CAMK2B: variants seen among roughly 807,000 people sequenced by gnomAD.
CAMK2B encodes the protein calcium/calmodulin-dependent protein kinase type II subunit beta.
In CAMK2B, 27 loss-of-function variants were observed where a neutral mutation model predicts 93.7. That is an observed-to-expected ratio of 0.29 (90% CI 0.21 to 0.40). The LOEUF is 0.40. Among genes scored for constraint, CAMK2B ranks in the 10% least tolerant of loss-of-function variants. CAMK2B has a pLI of 1.00. For missense variants in CAMK2B, 568 were observed against 895.8 expected (o/e 0.63, Z 4.67); for synonymous variants, 374 against 358.8 (o/e 1.04, Z -0.48).
intron 6 of CAMK2B, 71 bp from the exon 7 acceptor site, chr7:44,243,598 G>T: frequency 7.9e-7 from 1 of 1,270,016 alleles, no homozygotes; most frequent in South Asian, 1.2e-5. Flanking sequence ...GTTGGGTGGG[G>T]GGTTACAAAA....
At chr7:44,305,607 C>A (rs1326316822) in intron 1 of CAMK2B, among the ~76,000 whole-genome samples, 1 of 152,242 alleles carries the variant, frequency 6.6e-6, no homozygotes, top group Admixed American at 6.5e-5. Flanking sequence ...ATGGACGGGG[C>A]ACCCCTGTGA....
In CAMK2B at chr7:44,244,008, G is replaced by A. The variant is rs553440381; in HGVS notation, c.415-481C>T. ...TGTTTCTCACTCCTCAGAGACCTGG[G>A]ATGTTGGGGGCTGCTTGAGGGGAAG... On this transcript the variant is annotated intron_variant, in intron 6 of 23. Transcript: ENST00000395749. Among the ~76,000 whole-genome samples the A allele has an allele frequency of 1.7e-3, 254 of 152,248 alleles. 2 individuals are homozygous for A. Among genetic ancestry groups the A allele is most frequent in the African/African-American group, 5.9e-3 (246 of 41,534 alleles).
At chr7:44,285,146 G>C (rs1387837623) in intron 1 of CAMK2B, among the ~76,000 whole-genome samples, 3 of 152,232 alleles carry the variant, frequency 2.0e-5, no homozygotes, top group Non-Finnish European at 4.4e-5. Context: ...AGTCTATGAG[G>C]CAGGAGGGGA....
intron 1 of CAMK2B, among the ~76,000 whole-genome samples, chr7:44,310,069 C>T (rs1276959867): frequency 4.6e-5 from 7 of 152,256 alleles, no homozygotes; most frequent in African/African-American, 1.7e-4. Context: ...GTGGCCGAGA[C>T]CGGGCGGGGG....
intron 19 of CAMK2B, 114 bp downstream of exon 19, chr7:44,228,681 CG>C: frequency 9.8e-7 from 1 of 1,018,900 alleles, no homozygotes; most frequent in Non-Finnish European, 1.3e-6. Context: ...CTCCAGGCTG[CG>C]GCGCCGGGGC....
Position 44,220,603 on chromosome 7 carries a change from C to T in CAMK2B, c.1768+13G>A. 2 of 1,609,260 alleles carry T rather than the reference C, an allele frequency of 1.2e-6. No individual in the cohort carries two copies. The highest frequency in any genetic ancestry group is 1.7e-6 in the Non-Finnish European group (2 of 1,176,980). ...CACCGCCCCCTCATGCCCACCCGGG[C>T]TTCCTCACTCACGGTTCTCGAAGTA... is the stretch of plus-strand genomic sequence containing the variant. On this transcript the variant is annotated intron_variant, in intron 22 of 23. Coordinates refer to ENST00000395749, the MANE Select transcript of CAMK2B (RefSeq NM_001220.5).
At chr7:44,274,673 G>A (rs2097014734) in intron 2 of CAMK2B, among the ~76,000 whole-genome samples, 1 of 152,266 alleles carries the variant, frequency 6.6e-6, no homozygotes, top group Non-Finnish European at 1.5e-5. Context: ...GAGGTACTAT[G>A]TGCAAAGCAG....
rs531173972 is a variant in CAMK2B, at chr7:44,224,235, C to G, written c.1597+2281G>C. ...GGAAGCCTAGGCTGCCCCTGCCCTG[C>G]GGAATGGCGCTGCCCAGACCCCAGC... On this transcript the variant is annotated intron_variant, in intron 20 of 23. Transcript: ENST00000395749. This position sits in a 1 kb window ranked among gnomAD's most constrained non-coding sequence, Gnocchi z 4.4. Among the ~76,000 whole-genome samples the G allele has an allele frequency of 6.6e-6, 1 of 152,174 alleles. No individual in the cohort carries two copies. The highest frequency in any genetic ancestry group is 1.5e-5 in the Non-Finnish European group (1 of 68,026).
At chr7:44,277,139 T>A (rs757240299) in intron 2 of CAMK2B, among the ~76,000 whole-genome samples, 1 of 151,802 alleles carries the variant, frequency 6.6e-6, no homozygotes, top group Non-Finnish European at 1.5e-5. Context: ...CCGTTCATTG[T>A]GGACAATGAG....
chr7:44,270,756 C>G (rs2129056408), intron 2 of CAMK2B, among the ~76,000 whole-genome samples: 1 of 152,358 alleles, frequency 6.6e-6, no homozygotes, highest in Middle Eastern at 3.4e-3. Flanking sequence ...CCCATCCCCA[C>G]AGAGCTGGGC....
intron 2 of CAMK2B, chr7:44,263,966 C>G (rs959013965): frequency 6.5e-6 from 1 of 154,696 alleles, no homozygotes; most frequent in Non-Finnish European, 1.5e-5. Context: ...ACACAAAGGT[C>G]GAAACTAGGC....
rs990792498 is a variant in CAMK2B at position 44,248,952 on chromosome 7, G to A, written c.342-1760C>T. Among the ~76,000 whole-genome samples, 1 of 152,026 alleles carries A rather than the reference G, an allele frequency of 6.6e-6. No individual in the cohort carries two copies. The highest frequency in any genetic ancestry group is 6.6e-5 in the Admixed American group (1 of 15,266). ...ATCTCCTTGCTCCATATGCCCTGGG[G>A]TGTCCTGCCTTCCCTCCTCCCCATG... On this transcript the variant is annotated intron_variant, in intron 5 of 23. Transcript: ENST00000395749. The surrounding 1 kb of genome is among the most constrained non-coding windows in gnomAD (Gnocchi z 4.1).
intron 1 of CAMK2B, among the ~76,000 whole-genome samples, chr7:44,321,589 A>C (rs1796099271): frequency 6.6e-6 from 1 of 152,228 alleles, no homozygotes; most frequent in African/African-American, 2.4e-5. Flanking sequence ...CCAAACATTT[A>C]AAGTAATGTA....
intron 2 of CAMK2B, among the ~76,000 whole-genome samples, chr7:44,274,207 C>T (rs1339336517): frequency 6.6e-6 from 1 of 152,184 alleles, no homozygotes; most frequent in Non-Finnish European, 1.5e-5. Flanking sequence ...GTCGGGGCTC[C>T]CCCAGGTGAC....
rs770742580 is a variant in CAMK2B at position 44,229,117 on chromosome 7, G to C, written c.1340-193C>G. On this transcript the variant is annotated intron_variant, in intron 18 of 23. Transcript: ENST00000395749. ...GCTGAGGTGGAGTGAGGCCTGCACC[G>C]ACCCTGAAGACTGGAATTGAGGCCC... 7.7e-6 allele frequency: 5 copies of C among 651,478 alleles called. No homozygotes were observed. The Admixed American group carries it at 1.3e-4, about 17-fold the overall frequency. The allele number at this position is 651,478 out of a possible 1,614,324, so 40.4% of individuals were successfully genotyped here. A position where few individuals can be genotyped will look rare whatever the true frequency, so the allele number is the denominator to read the frequency against.
chr7:44,234,733 C>G, intron 13 of CAMK2B, 57 bp from the exon 14 acceptor site: 5 of 1,564,058 alleles, frequency 3.2e-6, no homozygotes, highest in Non-Finnish European at 3.5e-6. Flanking sequence ...CTCGCTGCAG[C>G]GCAACCCCAC....
chr7:44,311,134 C>T lies in CAMK2B; in HGVS notation c.65+14223G>A, dbSNP rs750049166. 1.3e-5 allele frequency among the ~76,000 whole-genome samples: 2 copies of T among 152,104 alleles called. No individual in the cohort carries two copies. The highest frequency in any genetic ancestry group is 2.4e-5 in the African/African-American group (1 of 41,416). On this transcript the variant is annotated intron_variant, in intron 1 of 23. Transcript: ENST00000395749. The surrounding 1 kb of genome is among the most constrained non-coding windows in gnomAD (Gnocchi z 4.2). The stretch of plus-strand genomic sequence containing the variant: ...TATTGCCCAGGCTGGAGTGCAATGG[C>T]GTGATCTCGGCTCACTGCAACCTCT...
chr7:44,306,708 A>G (rs62459121), intron 1 of CAMK2B, among the ~76,000 whole-genome samples: 43,837 of 151,510 alleles, frequency 0.29, 6,556 homozygotes, highest in Middle Eastern at 0.39. Context: ...GGCCATGCTG[A>G]AACCAGTGAG....
chr7:44,221,720 G>A (rs972787927), intron 20 of CAMK2B, among the ~76,000 whole-genome samples: 4 of 152,140 alleles, frequency 2.6e-5, no homozygotes, highest in Non-Finnish European at 4.4e-5. Flanking sequence ...GCTCCTGCCC[G>A]CCCCCCTTGG....
Sources: allele counts gnomAD v4.1 joint callset (sites outside exome capture counted in the v4.1 genomes callset), GRCh38; gene constraint gnomAD v4.1.1; non-coding constraint Gnocchi (gnomAD v3.1); transcripts MANE v1.5; gene names NCBI Gene and HGNC (gene_info 2026-07-23, HGNC 2026-07-21).